The following POU2F1 variants were observed in gnomAD, a reference collection of about 807,000 sequenced individuals.
The protein encoded by POU2F1 is POU class 2 homeobox 1, also known as POU domain, class 2, transcription factor 1.
A neutral mutation model predicts 84.9 loss-of-function variants in POU2F1; 16 were observed. That is an observed-to-expected ratio of 0.19 (90% confidence interval 0.13 to 0.29). The LOEUF (loss-of-function observed/expected upper bound fraction) is 0.29, where lower values mean the gene tolerates loss of function less well. Among genes scored for constraint, POU2F1 ranks in the 10% least tolerant of loss-of-function variants. The probability of loss-of-function intolerance (pLI) is 1.00; values close to 1 mark genes in which losing one functional copy is unlikely to be tolerated. For synonymous variants in POU2F1, 368 were observed against 368.3 expected (o/e 1.00, Z 0.01); for missense variants, 738 against 942.6 (o/e 0.78, Z 2.84).
intron 1 of POU2F1, among the ~76,000 whole-genome samples, chr1:167,289,055 T>A (rs1312902276): frequency 1.3e-5 from 2 of 152,220 alleles, no homozygotes; most frequent in South Asian, 2.1e-4. Flanking sequence ...TTTTTATTTT[T>A]TTAAACTATT....
At chr1:167,313,004 C>T (rs776852888) in intron 1 of POU2F1, among the ~76,000 whole-genome samples, 1 of 152,158 alleles carries the variant, frequency 6.6e-6, no homozygotes, top group African/African-American at 2.4e-5. Flanking sequence ...TAGCCTGTAC[C>T]ATCTAGTTTT....
intron 1 of POU2F1, among the ~76,000 whole-genome samples, chr1:167,240,054 A>G (rs1649786882): frequency 6.6e-6 from 1 of 152,142 alleles, no homozygotes; most frequent in Non-Finnish European, 1.5e-5. Context: ...ATTTAACTAT[A>G]TAAAATATTT....
At chr1:167,367,492 A>T (rs930004450) in intron 3 of POU2F1, among the ~76,000 whole-genome samples, 2 of 152,188 alleles carry the variant, frequency 1.3e-5, no homozygotes, top group Admixed American at 1.3e-4. Flanking sequence ...ACAATCTAAG[A>T]CATTTCTCTC....
chr1:167,229,162 ATT>A (rs5778543), intron 1 of POU2F1, among the ~76,000 whole-genome samples: 2 of 149,242 alleles, frequency 1.3e-5, no homozygotes, highest in Admixed American at 1.3e-4. Context: ...AAGTCACTGA[ATT>A]TTTTTTTTTT....
intron 1 of POU2F1, among the ~76,000 whole-genome samples, chr1:167,232,120 A>G (rs1177446760): frequency 3.9e-5 from 6 of 152,198 alleles, no homozygotes; most frequent in Admixed American, 3.3e-4. Flanking sequence ...CCCTGTGACT[A>G]TGAGCTGTTT....
chr1:167,341,010 A>T (rs1187872990), intron 2 of POU2F1, among the ~76,000 whole-genome samples: 1 of 152,136 alleles, frequency 6.6e-6, no homozygotes, highest in Non-Finnish European at 1.5e-5. Context: ...AATCATGATG[A>T]TGCTAGGCAA....
intron 1 of POU2F1, among the ~76,000 whole-genome samples, chr1:167,285,858 G>A (rs994198046): frequency 8.5e-5 from 13 of 152,182 alleles, no homozygotes; most frequent in South Asian, 2.1e-4. Flanking sequence ...GGAAGAAGTG[G>A]CAGTTGAGCT....
At chr1:167,221,424 C>T (rs1179843996) in intron 1 of POU2F1, among the ~76,000 whole-genome samples, 1 of 145,186 alleles carries the variant, frequency 6.9e-6, no homozygotes, top group Non-Finnish European at 1.5e-5. Context: ...CGGCCGGGGC[C>T]GGGCGGGCGC....
intron 1 of POU2F1, among the ~76,000 whole-genome samples, chr1:167,298,887 G>A (rs1286229442): frequency 6.6e-6 from 1 of 152,160 alleles, no homozygotes; most frequent in Non-Finnish European, 1.5e-5. Flanking sequence ...AGGAAGGCTG[G>A]GCACGGTGGC....
chr1:167,284,251 A>G (rs1653364998), intron 1 of POU2F1, among the ~76,000 whole-genome samples: 1 of 152,192 alleles, frequency 6.6e-6, no homozygotes, highest in African/African-American at 2.4e-5. Flanking sequence ...CTATTCTGAA[A>G]AGGACCATAA....
intron 1 of POU2F1, among the ~76,000 whole-genome samples, chr1:167,237,768 AT>A (rs1649598032): frequency 8.5e-4 from 13 of 15,380 alleles, no homozygotes; most frequent in Non-Finnish European, 1.1e-3. Flanking sequence ...ATATATATAT[AT>A]ATATTTTTTT....
rs35123418 is a variant in POU2F1, at chr1:167,362,083, G to A, written c.128-3384G>A. Among the ~76,000 whole-genome samples, 337 of 152,204 alleles carry A rather than the reference G, an allele frequency of 2.2e-3. 1 individual carries two copies. The highest frequency in any genetic ancestry group is 2.3e-3 in the Non-Finnish European group (155 of 68,006). On this transcript the variant is annotated intron_variant, in intron 2 of 15. Coordinates refer to ENST00000367866, the MANE Select transcript of POU2F1 (RefSeq NM_002697.4). Reference sequence around the variant, plus strand: ...ATTTCTAGCTCATACTTAACTTCCAGTTGGGGTATGTGTGTGTGTATCTGT... The same window carrying A: ...ATTTCTAGCTCATACTTAACTTCCAATTGGGGTATGTGTGTGTGTATCTGT...
intron 7 of POU2F1, among the ~76,000 whole-genome samples, chr1:167,382,554 T>C (rs2101876845): frequency 6.6e-6 from 1 of 152,266 alleles, no homozygotes; most frequent in South Asian, 2.1e-4. Flanking sequence ...CATGACAGCA[T>C]TTTAATTGGG....
At chr1:167,344,661 A>C (rs1478922508) in intron 2 of POU2F1, among the ~76,000 whole-genome samples, 1 of 152,164 alleles carries the variant, frequency 6.6e-6, no homozygotes, top group Non-Finnish European at 1.5e-5. Context: ...TCCATCTCAT[A>C]GTCTTGTTGT....
chr1:167,280,360 GT>G (rs775992023), intron 1 of POU2F1, among the ~76,000 whole-genome samples: 504 of 139,692 alleles, frequency 3.6e-3, no homozygotes, highest in Middle Eastern at 0.026. Flanking sequence ...GTTATGTAGG[GT>G]TTTTTTTTTT....
chr1:167,414,340 T>G, intron 15 of POU2F1: 3 of 985,414 alleles, frequency 3.0e-6, no homozygotes, highest in Non-Finnish European at 3.6e-6. Flanking sequence ...TAGGGCATGA[T>G]TGACACTCTG....
At chr1:167,391,050 G>A (rs922353693) in intron 9 of POU2F1, among the ~76,000 whole-genome samples, 13 of 152,160 alleles carry the variant, frequency 8.5e-5, no homozygotes, top group African/African-American at 3.1e-4. Flanking sequence ...TGGATATGTA[G>A]CATTTTTGTT....
rs899730364 is a variant in POU2F1 at position 167,412,439 on chromosome 1, G to C, written c.1901+135G>C. 15 of 787,054 alleles carry C rather than the reference G, an allele frequency of 1.9e-5. No homozygotes were observed. The African/African-American group carries it at 2.5e-4, about 13-fold the overall frequency. The allele number at this position is 787,054 out of a possible 1,614,324, so 48.8% of individuals were successfully genotyped here. A position where few individuals can be genotyped will look rare whatever the true frequency, so the allele number is the denominator to read the frequency against. ...AGCAGTAATCTCTTTGAAGTGGGCT[G>C]TTTTGTGATCATACAAGGACTTTGA... On this transcript the variant is annotated intron_variant, in intron 14 of 15. Transcript: ENST00000367866.
At chr1:167,341,851 G>A (rs1657882924) in intron 2 of POU2F1, among the ~76,000 whole-genome samples, 1 of 152,188 alleles carries the variant, frequency 6.6e-6, no homozygotes. Context: ...GAGCGGTGGA[G>A]GTGGCTCTTA....
Sources: gnomAD v4.1 joint callset for allele counts (sites outside exome capture counted in the v4.1 genomes callset) on GRCh38, gnomAD v4.1.1 for gene constraint, MANE v1.5 for transcripts, NCBI Gene and HGNC (gene_info 2026-07-23, HGNC 2026-07-21) for gene names.